CDK17: variants seen among roughly 807,000 people sequenced by gnomAD.
The protein encoded by CDK17 is cyclin dependent kinase 17, also known as cyclin-dependent kinase 17.
CDK17 carries 24 observed loss-of-function variants against 77.6 expected under a neutral mutation model. The ratio of observed to expected loss-of-function variants is 0.31; its 90% confidence interval spans 0.22 to 0.44. The LOEUF (loss-of-function observed/expected upper bound fraction) is 0.44, where lower values mean the gene tolerates loss of function less well. CDK17 is among the 20% of genes least tolerant of loss of function. The pLI is 1.00. For missense variants in CDK17, 429 were observed against 622.5 expected (o/e 0.69, Z 3.31); for synonymous variants, 203 against 210.4 (o/e 0.96, Z 0.30).
intron 3 of CDK17, among the ~76,000 whole-genome samples, chr12:96,322,391 A>G (rs934895511): frequency 6.6e-6 from 1 of 152,182 alleles, no homozygotes; most frequent in Non-Finnish European, 1.5e-5. Context: ...ATGAGCTAAA[A>G]ATGTTTTTTG....
chr12:96,387,057 TC>T, intron 1 of CDK17: 1 of 342,416 alleles, frequency 2.9e-6, no homozygotes, highest in Non-Finnish European at 5.8e-6. Context: ...TTCTCTGTCT[TC>T]AGGGTCATTT....
intron 1 of CDK17, among the ~76,000 whole-genome samples, chr12:96,393,390 T>C (rs1281859531): frequency 7.5e-6 from 1 of 133,930 alleles, no homozygotes; most frequent in Non-Finnish European, 1.6e-5. Context: ...GCTAATTTAA[T>C]AGGTCAGACT....
chr12:96,301,546 T>A (rs1238113434), intron 5 of CDK17, among the ~76,000 whole-genome samples: 1 of 152,178 alleles, frequency 6.6e-6, no homozygotes, highest in Non-Finnish European at 1.5e-5. Flanking sequence ...TTAAAGTTGC[T>A]TTCTAGTACC....
intron 1 of CDK17, among the ~76,000 whole-genome samples, chr12:96,385,207 G>A (rs1016355464): frequency 4.0e-5 from 6 of 148,376 alleles, no homozygotes; most frequent in African/African-American, 1.5e-4. Flanking sequence ...AGCTACTCAG[G>A]AGGCTGAGGC....
At chr12:96,392,067 T>G (rs1954077799) in intron 1 of CDK17, among the ~76,000 whole-genome samples, 1 of 151,902 alleles carries the variant, frequency 6.6e-6, no homozygotes, top group Non-Finnish European at 1.5e-5. Flanking sequence ...AAACACGGCC[T>G]CTCTGGAGCA....
intron 2 of CDK17, among the ~76,000 whole-genome samples, chr12:96,330,372 A>C (rs1952950193): frequency 6.6e-6 from 1 of 152,134 alleles, no homozygotes; most frequent in Non-Finnish European, 1.5e-5. Flanking sequence ...TTTTTTATTG[A>C]GATGAAATTC....
In CDK17 at chr12:96,400,132, G is replaced by A. The variant is rs1954237295; in HGVS notation, c.-176C>T. Reference sequence around the variant, plus strand: ...GCGCTTCCGAGCGCAGGCCTCCGCCGCCACAGCCGCCTTCCGGCTCTCGCC... The same window carrying A: ...GCGCTTCCGAGCGCAGGCCTCCGCCACCACAGCCGCCTTCCGGCTCTCGCC... On this transcript the variant is annotated 5_prime_UTR_variant, in exon 1 of 17. Coordinates refer to ENST00000261211, the MANE Select transcript of CDK17 (RefSeq NM_002595.5). The A allele has an allele frequency of 5.1e-6, 2 of 393,570 alleles. No homozygotes were observed. The highest frequency in any genetic ancestry group is 3.6e-5 in the East Asian group (1 of 27,766). The allele number at this position is 393,570 out of a possible 1,614,324, so 24.4% of individuals were successfully genotyped here.
chr12:96,369,293 C>A (rs532629428), intron 1 of CDK17, among the ~76,000 whole-genome samples: 1 of 151,936 alleles, frequency 6.6e-6, no homozygotes, highest in Non-Finnish European at 1.5e-5. Context: ...TTACATAAAC[C>A]AACACAGTCT....
rs1281170481 is a variant in CDK17, at chr12:96,288,804, T to C, written c.1118+363A>G. 2.0e-5 allele frequency among the ~76,000 whole-genome samples: 3 copies of C among 152,214 alleles called. No homozygotes were observed. The East Asian group carries it at 5.8e-4, about 29-fold the overall frequency. ...AAATGATGATAAAATGATAATTTTG[T>C]TTTAAATTACTATGTATCAGATACT... On this transcript the variant is annotated intron_variant, in intron 11 of 16. Transcript: ENST00000261211.
rs1952238854 is a variant in CDK17 at position 96,285,839 on chromosome 12, AATCAATGTCTT to A, written c.1322+193_1322+203del. ...TCTCTGTGGTACGGAATAAGGCATT[AATCAATGTCTT>A]CTTTCTGGGAAAAGTAACTACATAA... is the stretch of plus-strand genomic sequence containing the variant. On this transcript the variant is annotated intron_variant, in intron 13 of 16. Transcript: ENST00000261211. The A allele has an allele frequency of 9.6e-6, 3 of 313,564 alleles. No homozygotes were observed. In the Admixed American group the frequency reaches 1.5e-4, roughly 15 times the overall value. The allele number at this position is 313,564 out of a possible 1,614,324, so 19.4% of individuals were successfully genotyped here. A position where few individuals can be genotyped will look rare whatever the true frequency, so the allele number is the denominator to read the frequency against.
chr12:96,374,087 G>T (rs1953740190), intron 1 of CDK17, among the ~76,000 whole-genome samples: 1 of 152,128 alleles, frequency 6.6e-6, no homozygotes, highest in East Asian at 1.9e-4. Context: ...TCTGATTTAT[G>T]TTCTGTATAT....
intron 3 of CDK17, among the ~76,000 whole-genome samples, chr12:96,320,490 G>A (rs1270514321): frequency 1.4e-5 from 2 of 147,078 alleles, no homozygotes; most frequent in South Asian, 2.2e-4. Flanking sequence ...AAAAGAGCCC[G>A]CATCGCCAAG....
chr12:96,308,919 C>T (rs759154243), intron 5 of CDK17, among the ~76,000 whole-genome samples: 5 of 151,934 alleles, frequency 3.3e-5, no homozygotes, highest in Non-Finnish European at 7.4e-5. Flanking sequence ...CATCTGATTG[C>T]CACATCATCC....
chr12:96,295,137 A>T lies in CDK17; in HGVS notation c.874-15T>A. 6.3e-7 allele frequency: 1 copy of T among 1,584,572 alleles called. No individual in the cohort carries two copies. The highest frequency in any genetic ancestry group is 8.6e-7 in the Non-Finnish European group (1 of 1,167,544). On this transcript the variant is annotated splice_polypyrimidine_tract_variant and intron_variant, in intron 9 of 16. Transcript: ENST00000261211. ...TACAGAAACAGCTACAGAAACAAAT[A>T]AATAAAAATTAGTCTTAAAGATGAG... is the stretch of plus-strand genomic sequence containing the variant.
chr12:96,328,589 T>C (rs994677362), intron 2 of CDK17, among the ~76,000 whole-genome samples: 1 of 152,042 alleles, frequency 6.6e-6, no homozygotes, highest in Non-Finnish European at 1.5e-5. Context: ...AGAAAAGAAT[T>C]GGGGACAATG....
chr12:96,342,097 T>A (rs899592930), intron 1 of CDK17, among the ~76,000 whole-genome samples: 1 of 152,230 alleles, frequency 6.6e-6, no homozygotes. Flanking sequence ...ACTAAGATTA[T>A]TCCACGTAAT....
chr12:96,337,661 C>A (rs965066545), intron 1 of CDK17, among the ~76,000 whole-genome samples: 1 of 152,142 alleles, frequency 6.6e-6, no homozygotes, highest in Non-Finnish European at 1.5e-5. Flanking sequence ...GATAGTCAAC[C>A]TTTATAGCTC....
intron 1 of CDK17, among the ~76,000 whole-genome samples, chr12:96,359,725 C>CA (rs1254466909): frequency 6.6e-6 from 1 of 152,082 alleles, no homozygotes; most frequent in Admixed American, 6.5e-5. Flanking sequence ...CAAGAGTAAA[C>CA]AAAAATAAAC....
At chr12:96,300,393 A>AT in intron 5 of CDK17, 33 bp from the exon 6 acceptor site, 1 of 1,224,182 alleles carries the variant, frequency 8.2e-7, no homozygotes. Flanking sequence ...TGTAGTATTT[A>AT]CTTTTTTTTT....
Sources: gnomAD v4.1 joint callset for allele counts (sites outside exome capture counted in the v4.1 genomes callset) on GRCh38, gnomAD v4.1.1 for gene constraint, MANE v1.5 for transcripts, NCBI Gene and HGNC (gene_info 2026-07-23, HGNC 2026-07-21) for gene names.